SGCZ: variants seen among roughly 807,000 people sequenced by gnomAD.
SGCZ encodes sarcoglycan zeta.
Under a neutral mutation model 41.3 loss-of-function variants are expected in SGCZ, and 40 were observed. The ratio of observed to expected loss-of-function variants is 0.97; its 90% confidence interval spans 0.75 to 1.26. The LOEUF (loss-of-function observed/expected upper bound fraction) is 1.26. Ranked by LOEUF, SGCZ falls within the 50% of genes most tolerant of loss-of-function variation. SGCZ has a pLI of 0.00. For missense variants in SGCZ, 552 were observed against 369.8 expected (o/e 1.49, Z -4.04); for synonymous variants, 206 against 137.5 (o/e 1.50, Z -3.49).
At chr8:14,406,695 C>T (rs1799219809) in intron 2 of SGCZ, among the ~76,000 whole-genome samples, 1 of 143,372 alleles carries the variant, frequency 7.0e-6, no homozygotes, top group South Asian at 2.1e-4. Context: ...CAGGGCAATC[C>T]CTGAAAATTA....
At chr8:15,032,538 C>T (rs913978608) in intron 1 of SGCZ, among the ~76,000 whole-genome samples, 4 of 152,108 alleles carry the variant, frequency 2.6e-5, no homozygotes, top group African/African-American at 9.7e-5. Context: ...CCCAGGTCCA[C>T]CCTGGTAGAC....
intron 1 of SGCZ, among the ~76,000 whole-genome samples, chr8:14,906,783 G>C (rs1446716900): frequency 6.6e-6 from 1 of 152,184 alleles, no homozygotes; most frequent in Non-Finnish European, 1.5e-5. Context: ...GTCCTGATTA[G>C]CTCTAGAAAA....
chr8:14,711,210 T>C (rs970196485), intron 1 of SGCZ, among the ~76,000 whole-genome samples: 1 of 152,146 alleles, frequency 6.6e-6, no homozygotes, highest in Non-Finnish European at 1.5e-5. Context: ...TGTACAAATG[T>C]AACACAATTT....
chr8:14,231,436 C>A (rs1185985808), intron 4 of SGCZ, among the ~76,000 whole-genome samples: 2 of 151,972 alleles, frequency 1.3e-5, no homozygotes, highest in African/African-American at 4.8e-5. Flanking sequence ...GGTCCAGCCA[C>A]AGTCACTAAT....
rs186761768 is a variant in SGCZ, at chr8:14,872,977, G to A, written c.40-318051C>T. Among the ~76,000 whole-genome samples, 502 of 152,220 alleles carry A rather than the reference G, an allele frequency of 3.3e-3. 3 individuals carry two copies. The highest frequency in any genetic ancestry group is 0.011 in the African/African-American group (474 of 41,544). On this transcript the variant is annotated intron_variant, in intron 1 of 7. Transcript: ENST00000382080. ...AAGTCAAACGTTTAACTTGATAGGCGTCTTTAGATATTTGACATAATCAAT... is the reference window on the plus strand; with the variant it reads ...AAGTCAAACGTTTAACTTGATAGGCATCTTTAGATATTTGACATAATCAAT...
chr8:14,807,804 G>A lies in SGCZ; in HGVS notation c.40-252878C>T, dbSNP rs183064864. 2.5e-3 allele frequency among the ~76,000 whole-genome samples: 374 copies of A among 152,292 alleles called. 3 individuals are homozygous for A. Among genetic ancestry groups the A allele is most frequent in the African/African-American group, 8.6e-3 (356 of 41,560 alleles). On this transcript the variant is annotated intron_variant, in intron 1 of 7. Coordinates refer to ENST00000382080, the MANE Select transcript of SGCZ (RefSeq NM_139167.4). The stretch of plus-strand genomic sequence containing the variant: ...CCTAAGCCAAAAGAACAAAGCTGGA[G>A]GCATCACACTATCTGACTTCAAACT...
chr8:15,167,386 G>A lies in SGCZ; in HGVS notation c.39+70199C>T, dbSNP rs115467791. 5.7e-3 allele frequency among the ~76,000 whole-genome samples: 872 copies of A among 152,268 alleles called. 10 individuals are homozygous for A. The highest frequency in any genetic ancestry group is 0.02 in the African/African-American group (817 of 41,540). On this transcript the variant is annotated intron_variant, in intron 1 of 7. Transcript: ENST00000382080. The stretch of plus-strand genomic sequence containing the variant: ...AGTCCCTGTACAGGGTTCTTGACCT[G>A]TGGTCAGTAAAGACTGTCACTTTCT...
intron 1 of SGCZ, among the ~76,000 whole-genome samples, chr8:14,611,944 A>C (rs1404183016): frequency 6.6e-6 from 1 of 152,188 alleles, no homozygotes; most frequent in Non-Finnish European, 1.5e-5. Context: ...ATGATATGTA[A>C]ATATTATGTC....
intron 2 of SGCZ, among the ~76,000 whole-genome samples, chr8:14,484,484 A>C (rs1003404288): frequency 1.3e-5 from 2 of 152,300 alleles, no homozygotes; most frequent in Admixed American, 6.5e-5. Context: ...GTGATTTTTA[A>C]AACATTTCAT....
At chr8:15,199,461 G>C (rs765898572) in intron 1 of SGCZ, among the ~76,000 whole-genome samples, 1 of 152,090 alleles carries the variant, frequency 6.6e-6, no homozygotes, top group Non-Finnish European at 1.5e-5. Flanking sequence ...TTACTTATGA[G>C]ATTCGAATGA....
Position 14,392,024 on chromosome 8 carries a change from C to A in SGCZ, c.235-67820G>T, listed in dbSNP as rs151184796. Among the ~76,000 whole-genome samples the A allele has an allele frequency of 6.7e-3, 1,021 of 152,238 alleles. 15 individuals are homozygous for A. Among genetic ancestry groups the A allele is most frequent in the African/African-American group, 0.023 (974 of 41,534 alleles). On this transcript the variant is annotated intron_variant, in intron 2 of 7. Coordinates refer to ENST00000382080, the MANE Select transcript of SGCZ (RefSeq NM_139167.4). The stretch of plus-strand genomic sequence containing the variant: ...TCCAGCAATGGGGATTACAATGTGA[C>A]ATGAGATTTGAGTATGGACACAGAT...
chr8:14,973,157 G>C (rs918690648), intron 1 of SGCZ, among the ~76,000 whole-genome samples: 1 of 152,118 alleles, frequency 6.6e-6, no homozygotes, highest in Non-Finnish European at 1.5e-5. Context: ...TGACCCTTCA[G>C]GGTGTAAATC....
intron 3 of SGCZ, among the ~76,000 whole-genome samples, chr8:14,260,988 C>A (rs1799644944): frequency 6.6e-6 from 1 of 152,064 alleles, no homozygotes. Context: ...GGGAGATATA[C>A]CTAACGCTAG....
At chr8:14,637,042 A>AT (rs945196002) in intron 1 of SGCZ, among the ~76,000 whole-genome samples, 15 of 150,682 alleles carry the variant, frequency 1.0e-4, no homozygotes, top group African/African-American at 2.9e-4. Context: ...GCAATCTCCT[A>AT]TTTTTTTTCT....
chr8:14,780,374 C>CAA (rs533888354), intron 1 of SGCZ, among the ~76,000 whole-genome samples: 229 of 79,030 alleles, frequency 2.9e-3, no homozygotes, highest in African/African-American at 4.6e-3. Context: ...GACTCCATCT[C>CAA]AAAAAAAAAA....
intron 3 of SGCZ, among the ~76,000 whole-genome samples, chr8:14,264,394 A>G (rs939718772): frequency 6.6e-6 from 1 of 152,128 alleles, no homozygotes; most frequent in Non-Finnish European, 1.5e-5. Context: ...GTTACTGTGG[A>G]TGGAGCATCT....
intron 1 of SGCZ, among the ~76,000 whole-genome samples, chr8:15,215,655 A>G (rs10094090): frequency 0.033 from 5,073 of 152,254 alleles, 264 homozygotes; most frequent in African/African-American, 0.11. Flanking sequence ...AGTCCAAATT[A>G]CAAAACTTCA....
chr8:14,682,447 T>TG (rs1355965520), intron 1 of SGCZ, among the ~76,000 whole-genome samples: 3 of 151,710 alleles, frequency 2.0e-5, no homozygotes, highest in Admixed American at 1.3e-4. Flanking sequence ...TTTTTTTTTT[T>TG]TTTTTGAGAC....
chr8:15,067,705 A>G (rs2131022523), intron 1 of SGCZ, among the ~76,000 whole-genome samples: 1 of 152,072 alleles, frequency 6.6e-6, no homozygotes, highest in South Asian at 2.1e-4. Context: ...CTACCTCAAA[A>G]CTCATTCATT....
Sources: gnomAD v4.1 joint callset for allele counts (sites outside exome capture counted in the v4.1 genomes callset) on GRCh38, gnomAD v4.1.1 for gene constraint, MANE v1.5 for transcripts, NCBI Gene and HGNC (gene_info 2026-07-23, HGNC 2026-07-21) for gene names.